The following INPP5D variants were observed in gnomAD, a reference collection of about 807,000 sequenced individuals.
INPP5D encodes phosphatidylinositol 3,4,5-trisphosphate 5-phosphatase 1.
Under a neutral mutation model 122.9 loss-of-function variants are expected in INPP5D, and 33 were observed. That is an observed-to-expected ratio of 0.27 (90% confidence interval 0.20 to 0.36). The LOEUF is 0.36. Ranked by LOEUF, INPP5D falls within the 10% of genes least tolerant of loss-of-function variation. The pLI is 1.00. For synonymous variants in INPP5D, 584 were observed against 576.2 expected (o/e 1.01, Z -0.19); for missense variants, 1,053 against 1,412.7 (o/e 0.75, Z 4.08).
In INPP5D at chr2:233,206,789, T is replaced by C. The variant is rs745767549; in HGVS notation, c.*81T>C. 8.3e-6 allele frequency: 6 copies of C among 724,186 alleles called. No individual in the cohort carries two copies. Among genetic ancestry groups the C allele is most frequent in the Non-Finnish European group, 7.7e-6 (3 of 388,352 alleles). The allele number at this position is 724,186 out of a possible 1,614,324, so 44.9% of individuals were successfully genotyped here. On this transcript the variant is annotated 3_prime_UTR_variant, in exon 27 of 27. Coordinates refer to ENST00000445964, the MANE Select transcript of INPP5D (RefSeq NM_001017915.3). The surrounding 1 kb of genome is among the most constrained non-coding windows in gnomAD (Gnocchi z 4.0). ...TGGACCCTCTCCCGGGACCTCCTGC[T>C]GGCTCCTCCTGCCCAGCTTCCTATG...
chr2:233,204,486 C>T lies in INPP5D; in HGVS notation c.3336C>T (p.Ser1112=). The T allele has an allele frequency of 6.3e-7, 1 of 1,585,004 alleles. No individual in the cohort carries two copies. The highest frequency in any genetic ancestry group is 1.3e-5 in the African/African-American group (1 of 74,400). The change falls in exon 26 of 27, where the codon TCC becomes TCT. Residue 1112 remains serine, a synonymous_variant. Transcript: ENST00000445964. ...GGAAGCCCAAGACCCCGGTCAGCTC[C>T]CAGGCCCCGGTGCCGGCCAAGAGGC... ...SQGKPKTPVS[S]QAPVPAKRPI...
At chr2:233,136,223 A>C (rs1693459916) in intron 5 of INPP5D, among the ~76,000 whole-genome samples, 1 of 152,258 alleles carries the variant, frequency 6.6e-6, no homozygotes, top group African/African-American at 2.4e-5. Context: ...TATGCCAGTA[A>C]TCCCAACACT....
intron 1 of INPP5D, among the ~76,000 whole-genome samples, chr2:233,065,408 A>G (rs976266183): frequency 2.0e-5 from 3 of 148,944 alleles, no homozygotes; most frequent in African/African-American, 7.5e-5. Context: ...CCCAGGATTA[A>G]GCAATTCTCC....
chr2:233,062,993 A>T (rs566554367), intron 1 of INPP5D, among the ~76,000 whole-genome samples: 9 of 152,286 alleles, frequency 5.9e-5, no homozygotes, highest in African/African-American at 2.2e-4. Flanking sequence ...ATTAAAAAAA[A>T]AAAAGCCAGT....
intron 13 of INPP5D, among the ~76,000 whole-genome samples, chr2:233,167,992 G>C (rs549449601): frequency 3.6e-4 from 37 of 102,018 alleles, no homozygotes; most frequent in African/African-American, 1.5e-3. Flanking sequence ...GAGACAGAGT[G>C]AGACTCTGTC....
intron 13 of INPP5D, among the ~76,000 whole-genome samples, chr2:233,166,756 C>T (rs967732867): frequency 3.3e-5 from 5 of 152,070 alleles, no homozygotes; most frequent in South Asian, 2.1e-4. Flanking sequence ...AGGCCGAGGC[C>T]GGTGGATCAC....
chr2:233,130,430 T>G, intron 4 of INPP5D, 78 bp from the exon 5 acceptor site: 2 of 1,471,392 alleles, frequency 1.4e-6, no homozygotes, highest in Admixed American at 2.0e-5. Flanking sequence ...GATTTGTTAT[T>G]GTGGTTGCTG....
Position 233,164,558 on chromosome 2 carries a change from C to A in INPP5D, c.1555+134C>A. 1 of 1,322,616 alleles carries A rather than the reference C, an allele frequency of 7.6e-7. No homozygotes were observed. The highest frequency in any genetic ancestry group is 9.9e-7 in the Non-Finnish European group (1 of 1,012,796). 81.9% of individuals were successfully genotyped at this position (1,322,616 alleles called of 1,614,324 possible). On this transcript the variant is annotated intron_variant, in intron 13 of 26. Coordinates refer to ENST00000445964, the MANE Select transcript of INPP5D (RefSeq NM_001017915.3). The surrounding 1 kb of genome is among the most constrained non-coding windows in gnomAD (Gnocchi z 4.3). ...CACATCCTCAGATCCTGGCTCAGTC[C>A]TCAGCAAATAGGGGTGATTGGTCTC...
intron 2 of INPP5D, among the ~76,000 whole-genome samples, chr2:233,118,266 G>A (rs1242737581): frequency 2.6e-5 from 4 of 152,080 alleles, no homozygotes; most frequent in African/African-American, 4.8e-5. Context: ...CTGTCCCCTC[G>A]GCCATCGTAC....
chr2:233,080,092 G>A (rs1268959017), intron 2 of INPP5D, among the ~76,000 whole-genome samples: 2 of 152,038 alleles, frequency 1.3e-5, no homozygotes, highest in Admixed American at 6.6e-5. Flanking sequence ...ACCATGCCCG[G>A]CTGATTTTTG....
At chr2:233,093,926 C>T (rs1692056434) in intron 2 of INPP5D, among the ~76,000 whole-genome samples, 1 of 152,114 alleles carries the variant, frequency 6.6e-6, no homozygotes, top group African/African-American at 2.4e-5. Flanking sequence ...CCTGAGCACC[C>T]TTCTTCTGCC....
intron 22 of INPP5D, among the ~76,000 whole-genome samples, chr2:233,191,207 T>C (rs1423743166): frequency 6.6e-6 from 1 of 152,208 alleles, no homozygotes; most frequent in African/African-American, 2.4e-5. Context: ...TTTCACATGA[T>C]GGCAGGAAGG....
chr2:233,082,066 T>C lies in INPP5D; in HGVS notation c.198+2668T>C, dbSNP rs1691706522. On this transcript the variant is annotated intron_variant, in intron 2 of 26. Transcript: ENST00000445964. This position sits in a 1 kb window ranked among gnomAD's most constrained non-coding sequence, Gnocchi z 4.7. ...GCAGCTTTCAGAGAAGATGGGCGGC[T>C]CTGCTGGACTTCTCTGCTCCTGACC... Among the ~76,000 whole-genome samples the C allele has an allele frequency of 6.6e-6, 1 of 152,140 alleles. No homozygotes were observed. Among genetic ancestry groups the C allele is most frequent in the African/African-American group, 2.4e-5 (1 of 41,440 alleles).
At chr2:233,115,634 G>A (rs1574738548) in intron 2 of INPP5D, among the ~76,000 whole-genome samples, 1 of 152,256 alleles carries the variant, frequency 6.6e-6, no homozygotes, top group East Asian at 1.9e-4. Context: ...TGCTACCTGA[G>A]TGAGCTCAGG....
At chr2:233,109,815 T>C (rs1692567980) in intron 2 of INPP5D, among the ~76,000 whole-genome samples, 1 of 151,060 alleles carries the variant, frequency 6.6e-6, no homozygotes, top group Non-Finnish European at 1.5e-5. Context: ...CTCGAACTCC[T>C]GACCTCATGA....
chr2:233,200,724 C>T (rs1695308892), intron 25 of INPP5D, among the ~76,000 whole-genome samples: 1 of 152,066 alleles, frequency 6.6e-6, no homozygotes, highest in African/African-American at 2.4e-5. Flanking sequence ...TTTGGGAAGC[C>T]AAGGTGGGCA....
chr2:233,134,449 G>A (rs1439129519), intron 5 of INPP5D, among the ~76,000 whole-genome samples: 1 of 152,150 alleles, frequency 6.6e-6, no homozygotes, highest in African/African-American at 2.4e-5. Context: ...TGATGTCCAG[G>A]TCTATTTGCT....
At chr2:233,087,013 C>T (rs1691870203) in intron 2 of INPP5D, among the ~76,000 whole-genome samples, 1 of 152,108 alleles carries the variant, frequency 6.6e-6, no homozygotes, top group African/African-American at 2.4e-5. Flanking sequence ...CCAGAAAAAG[C>T]ACAAAAATCA....
At chr2:233,130,776 G>C (rs1234152845) in intron 5 of INPP5D, 128 bp downstream of exon 5, 3 of 968,910 alleles carry the variant, frequency 3.1e-6, no homozygotes, top group South Asian at 2.8e-5. Flanking sequence ...TAATTGAGTG[G>C]TGAGCACAGC....
Sources: gnomAD v4.1 joint callset for allele counts (sites outside exome capture counted in the v4.1 genomes callset) on GRCh38, gnomAD v4.1.1 for gene constraint, Gnocchi (gnomAD v3.1) non-coding constraint, MANE v1.5 for transcripts, NCBI Gene and HGNC (gene_info 2026-07-23, HGNC 2026-07-21) for gene names.